Variants in B4GALNT4 observed in about 807,000 individuals in gnomAD.
B4GALNT4 encodes the protein beta-1,4-N-acetyl-galactosaminyltransferase 4.
A neutral mutation model predicts 110.0 loss-of-function variants in B4GALNT4; 77 were observed. That is an observed-to-expected ratio of 0.70 (90% CI 0.58 to 0.85). The LOEUF (loss-of-function observed/expected upper bound fraction) is 0.85, where lower values mean the gene tolerates loss of function less well. Ranked by LOEUF, B4GALNT4 falls within the 40% of genes least tolerant of loss-of-function variation. The pLI, the probability that B4GALNT4 is intolerant of heterozygous loss-of-function variation, is 0.00. For missense variants in B4GALNT4, 1,575 were observed against 1,506.0 expected (o/e 1.05, Z -0.76); for synonymous variants, 785 against 655.5 (o/e 1.20, Z -3.02).
At chr11:377,469 C>T in intron 14 of B4GALNT4, 142 bp downstream of exon 14, 1 of 920,784 alleles carries the variant, frequency 1.1e-6, no homozygotes, top group Non-Finnish European at 1.5e-6. Context: ...CACCGCGCCC[C>T]ACCCCAGGGA....
At chr11:378,070 G>T (rs190571713) in intron 14 of B4GALNT4, among the ~76,000 whole-genome samples, 1 of 152,192 alleles carries the variant, frequency 6.6e-6, no homozygotes. Context: ...GTGATGGAAG[G>T]TTGCGAGCAG....
chr11:376,406 C>T lies in B4GALNT4; in HGVS notation c.1298-15C>T, dbSNP rs1415057551. 1 of 1,600,924 alleles carries T rather than the reference C, an allele frequency of 6.2e-7. No homozygotes were observed. The highest frequency in any genetic ancestry group is 8.5e-7 in the Non-Finnish European group (1 of 1,177,920). On this transcript the variant is annotated splice_polypyrimidine_tract_variant and intron_variant, in intron 13 of 19. Coordinates refer to ENST00000329962, the MANE Select transcript of B4GALNT4 (RefSeq NM_178537.5). ...CCCACCTGCGCAGGGAGCTTCTAAC[C>T]CGCGTTTCCCGCAGACTTCCTGGAC...
intron 6 of B4GALNT4, 46 bp from the exon 7 acceptor site, chr11:373,403 A>ACTGGGGGGGGGGGGGGG: frequency 7.9e-7 from 1 of 1,259,488 alleles, no homozygotes. Flanking sequence ...CCAGGGAGAG[A>ACTGGGGGGGGGGGGGGG]GTGAACCCCC....
chr11:381,071 C>T lies in B4GALNT4; in HGVS notation c.2996+120C>T. On this transcript the variant is annotated intron_variant, in intron 19 of 19. Transcript: ENST00000329962. ...ACATGCTGAGAGAACTCTGCCCTTC[C>T]CGGTCTTCCCAGTATCCTGTAGGCC... The T allele has an allele frequency of 1.1e-5, 16 of 1,481,958 alleles. 1 individual carries two copies. The South Asian group carries it at 1.6e-4, about 15-fold the overall frequency. The allele number at this position is 1,481,958 out of a possible 1,614,324, so 91.8% of individuals were successfully genotyped here.
chr11:372,637 C>A, intron 2 of B4GALNT4, 25 bp from the exon 3 acceptor site: 1 of 1,598,494 alleles, frequency 6.3e-7, no homozygotes, highest in Non-Finnish European at 8.6e-7. Flanking sequence ...CCAACCCTGA[C>A]CCTGTTGCCT....
In B4GALNT4 at chr11:369,571, G is replaced by A. The variant is rs1846571658; in HGVS notation, c.-233G>A. On this transcript the variant is annotated 5_prime_UTR_variant, in exon 1 of 20. Transcript: ENST00000329962. The stretch of plus-strand genomic sequence containing the variant: ...AGGAGCGCGGAGCCGGGAGCGGCCG[G>A]GCGGGGGGCACCGCGAGGAGCCGCC... Among the ~76,000 whole-genome samples the A allele has an allele frequency of 6.9e-6, 1 of 144,010 alleles. No individual in the cohort carries two copies. 94.5% of individuals were successfully genotyped at this position (144,010 alleles called of 152,430 possible).
intron 7 of B4GALNT4, 73 bp from the exon 8 acceptor site, chr11:373,677 A>C: frequency 1.3e-6 from 2 of 1,558,828 alleles, no homozygotes; most frequent in Non-Finnish European, 1.8e-6. Context: ...TGTGGGAGCC[A>C]CCTGCCCCCT....
At chr11:373,413 C>A (rs781345889) in intron 6 of B4GALNT4, 36 bp from the exon 7 acceptor site, 1 of 1,088,970 alleles carries the variant, frequency 9.2e-7, no homozygotes, top group Non-Finnish European at 1.4e-6. Flanking sequence ...AGTGAACCCC[C>A]CCCCCCACCA....
At chr11:376,198 CG>C (rs746560593) in intron 12 of B4GALNT4, 24 bp downstream of exon 12, 2 of 336,344 alleles carry the variant, frequency 5.9e-6, no homozygotes, top group South Asian at 4.7e-5. Context: ...CGGGCTAATG[CG>C]GGGCGGGGTG....
At chr11:370,591 G>GTGA (rs1846599872) in intron 1 of B4GALNT4, among the ~76,000 whole-genome samples, 2 of 152,168 alleles carry the variant, frequency 1.3e-5, no homozygotes, top group South Asian at 4.1e-4. Context: ...GCCGGGGTAG[G>GTGA]GCCTCCTGGA....
At chr11:370,769 C>G (rs1033411541) in intron 1 of B4GALNT4, among the ~76,000 whole-genome samples, 2 of 152,118 alleles carry the variant, frequency 1.3e-5, no homozygotes, top group African/African-American at 4.8e-5. Context: ...CTGGCTGCCT[C>G]TGAGCCTTTT....
chr11:372,749 G>A lies in B4GALNT4; in HGVS notation c.343G>A (p.Glu115Lys). 3 of 1,609,668 alleles carry A rather than the reference G, an allele frequency of 1.9e-6. No homozygotes were observed. Among genetic ancestry groups the A allele is most frequent in the Non-Finnish European group, 2.5e-6 (3 of 1,179,038 alleles). Residue 115 changes from glutamate to lysine, a missense_variant, in exon 3 of 20, where the codon GAG (glutamate) becomes AAG (lysine). By Grantham distance (56) the Glu-to-Lys change is moderately conservative. Coordinates refer to ENST00000329962, the MANE Select transcript of B4GALNT4 (RefSeq NM_178537.5). The stretch of plus-strand genomic sequence containing the variant: ...CACCCATCAGACACCCCCATGGCGG[G>A]AGGAGGTGAGCTGGCTCGGCCTGTA... ...NFTHQTPPWR[E>K]EYKGQVNLHV...
rs1307196216 is a variant in B4GALNT4 at position 377,282 on chromosome 11, A to G, written c.2159A>G (p.Asp720Gly). Reference protein sequence around the residue: ...NLQLPEAEAVDVTAQYMERLN... With the variant: ...NLQLPEAEAVGVTAQYMERLN... ...CAGCTGCCGGAGGCGGAGGCCGTGG[A>G]CGTGACCGCTCAGTACATGGAGCGG... Residue 720 changes from aspartate to glycine, a missense_variant, in exon 14 of 20, where the codon GAC (aspartate) becomes GGC (glycine). By Grantham distance (94) the Asp-to-Gly change is moderately conservative (BLOSUM62 -1). Coordinates refer to ENST00000329962, the MANE Select transcript of B4GALNT4 (RefSeq NM_178537.5). 6.3e-7 allele frequency: 1 copy of G among 1,591,314 alleles called. No individual in the cohort carries two copies. The highest frequency in any genetic ancestry group is 8.5e-7 in the Non-Finnish European group (1 of 1,170,634).
At chr11:373,419 C>CCCCCCCCA (rs10624593) in intron 6 of B4GALNT4, 30 bp from the exon 7 acceptor site, 4 of 1,084,216 alleles carry the variant, frequency 3.7e-6, no homozygotes, top group African/African-American at 2.2e-5. Context: ...CCCCCCCCCC[C>CCCCCCCCA]ACCACCACCC....
chr11:370,005 G>GCGCGGGGGGCGGGGGCGGCGCGGGGT (rs1564866449), intron 1 of B4GALNT4, 51 bp downstream of exon 1: 1 of 137,270 alleles, frequency 7.3e-6, no homozygotes, highest in African/African-American at 3.3e-5. Context: ...GGCGCGGGGG[G>GCGCGGGGGGCGGGGGCGGCGCGGGGT]CGCGGGGGGC....
At position 376,598 on chromosome 11, in the gene B4GALNT4, G is replaced by A; in HGVS notation, c.1475G>A (p.Arg492Gln). ...GACGGGGGGACCCCCAGGCACTCCC[G>A]GGCCCTGAGCTGGGCCGCCAGGGCC... ...PRDGGTPRHS[R>Q]ALSWAARAAR... The change falls in exon 14 of 20, where the codon CGG becomes CAG. Residue 492 changes from arginine (R) to glutamine (Q), a missense_variant. Arg to Gln is a conservative substitution (Grantham distance 43). Coordinates refer to ENST00000329962, the MANE Select transcript of B4GALNT4 (RefSeq NM_178537.5). 5.2e-6 allele frequency: 7 copies of A among 1,342,458 alleles called. No homozygotes were observed. Among genetic ancestry groups the A allele is most frequent in the South Asian group, 4.6e-5 (3 of 65,284 alleles). The allele number at this position is 1,342,458 out of a possible 1,614,324, so 83.2% of individuals were successfully genotyped here. A position where few individuals can be genotyped will look rare whatever the true frequency, so the allele number is the denominator to read the frequency against.
rs1590340421 is a variant in B4GALNT4, at chr11:376,708, A to C, written c.1585A>C (p.Arg529=). The part of the protein sequence containing the change: ...EQPPPKVYVT[R]VRPGQRASPR... ...GCCGCCCCCAAAGGTGTACGTGACC[A>C]GGGTGCGGCCGGGACAGCGGGCATC... Residue 529 remains arginine, a synonymous_variant, in exon 14 of 20, where the codon AGG becomes CGG. Coordinates refer to ENST00000329962, the MANE Select transcript of B4GALNT4 (RefSeq NM_178537.5). The C allele has an allele frequency of 2.1e-6, 3 of 1,414,746 alleles. No homozygotes were observed. The highest frequency in any genetic ancestry group is 2.8e-6 in the Non-Finnish European group (3 of 1,090,088). 87.6% of individuals were successfully genotyped at this position (1,414,746 alleles called of 1,614,324 possible).
rs1324522908 is a variant in B4GALNT4 at position 377,034 on chromosome 11, G to T, written c.1911G>T (p.Pro637=). Residue 637 remains proline (P), a synonymous_variant, in exon 14 of 20, where the codon CCG becomes CCT. Coordinates refer to ENST00000329962, the MANE Select transcript of B4GALNT4 (RefSeq NM_178537.5). The part of the protein sequence containing the change: ...SFLSLSQVSG[P]QLPGEGEEEE... Reference sequence around the variant, plus strand: ...TGAGCTTGTCCCAGGTGTCCGGGCCGCAGCTGCCCGGGGAGGGCGAAGAGG... The same window carrying T: ...TGAGCTTGTCCCAGGTGTCCGGGCCTCAGCTGCCCGGGGAGGGCGAAGAGG... 1.4e-6 allele frequency: 2 copies of T among 1,437,208 alleles called. No individual in the cohort carries two copies. The highest frequency in any genetic ancestry group is 1.5e-5 in the African/African-American group (1 of 66,584). The allele number at this position is 1,437,208 out of a possible 1,614,324, so 89.0% of individuals were successfully genotyped here.
chr11:374,612 C>T (rs559694425), intron 8 of B4GALNT4, among the ~76,000 whole-genome samples: 1 of 110,056 alleles, frequency 9.1e-6, no homozygotes, highest in Admixed American at 9.3e-5. Flanking sequence ...CCAGCCTGGC[C>T]CTTAGGGGGC....
Sources: gnomAD v4.1 joint callset for allele counts (sites outside exome capture counted in the v4.1 genomes callset) on GRCh38, gnomAD v4.1.1 for gene constraint, MANE v1.5 for transcripts, NCBI Gene and HGNC (gene_info 2026-07-23, HGNC 2026-07-21) for gene names.